The following SPOCK3 variants were observed in gnomAD, a reference collection of about 807,000 sequenced individuals.
The protein encoded by SPOCK3 is SPARC (osteonectin), cwcv and kazal like domains proteoglycan 3, also known as testican-3.
In SPOCK3, 30 loss-of-function variants were observed where a neutral mutation model predicts 56.6. The ratio of observed to expected loss-of-function variants is 0.53; its 90% CI spans 0.40 to 0.72. The LOEUF is 0.72. Among genes scored for constraint, SPOCK3 ranks in the 30% least tolerant of loss-of-function variants. The probability of loss-of-function intolerance (pLI) is 0.00; values close to 1 mark genes in which losing one functional copy is unlikely to be tolerated. For missense variants in SPOCK3, 527 were observed against 530.0 expected, an observed-to-expected ratio of 0.99 and a Z score of 0.06; for synonymous variants, 196 against 183.3, an observed-to-expected ratio of 1.07 and a Z score of -0.56.
intron 8 of SPOCK3, among the ~76,000 whole-genome samples, chr4:166,742,976 T>C (rs1363958302): frequency 1.3e-5 from 2 of 152,266 alleles, no homozygotes; most frequent in Non-Finnish European, 2.9e-5. Context: ...TATAAGAGGA[T>C]GTGCGTACGT....
intron 6 of SPOCK3, among the ~76,000 whole-genome samples, chr4:166,854,422 T>A (rs1207562834): frequency 6.6e-6 from 1 of 152,208 alleles, no homozygotes; most frequent in Non-Finnish European, 1.5e-5. Context: ...TTTGTTCAGC[T>A]TTGTTCACTG....
chr4:166,850,957 G>A (rs1462751302), intron 6 of SPOCK3, among the ~76,000 whole-genome samples: 5 of 152,214 alleles, frequency 3.3e-5, no homozygotes, highest in Non-Finnish European at 7.3e-5. Context: ...GAACTGGGTG[G>A]AGCCCACAAC....
intron 3 of SPOCK3, 45 bp downstream of exon 3, chr4:167,062,447 T>G: frequency 7.1e-7 from 1 of 1,408,486 alleles, no homozygotes; most frequent in Non-Finnish European, 1.0e-6. Context: ...GTACAATGAT[T>G]ATGAACATGT....
chr4:167,182,623 C>G (rs1731582728), intron 2 of SPOCK3, among the ~76,000 whole-genome samples: 1 of 151,812 alleles, frequency 6.6e-6, no homozygotes, highest in African/African-American at 2.4e-5. Context: ...TACTGCAACC[C>G]CTGCCTCCTG....
At chr4:167,216,429 G>A (rs1403820328) in intron 2 of SPOCK3, among the ~76,000 whole-genome samples, 3 of 152,078 alleles carry the variant, frequency 2.0e-5, no homozygotes, top group African/African-American at 7.2e-5. Context: ...GCAGGGAGAA[G>A]CCTGAAAACA....
intron 4 of SPOCK3, among the ~76,000 whole-genome samples, chr4:166,913,683 C>T (rs1476262613): frequency 6.6e-6 from 1 of 152,024 alleles, no homozygotes; most frequent in Non-Finnish European, 1.5e-5. Flanking sequence ...TATCAAGACA[C>T]ATTTTAAGGG....
At chr4:166,770,761 A>T (rs1738828864) in intron 7 of SPOCK3, among the ~76,000 whole-genome samples, 1 of 152,164 alleles carries the variant, frequency 6.6e-6, no homozygotes, top group South Asian at 2.1e-4. Flanking sequence ...ACTCAATGCT[A>T]TGCTGTCTCT....
At chr4:166,981,418 T>C (rs1306556385) in intron 4 of SPOCK3, among the ~76,000 whole-genome samples, 2 of 150,672 alleles carry the variant, frequency 1.3e-5, no homozygotes, top group African/African-American at 4.9e-5. Context: ...TCTCAGAGGG[T>C]AGGCGACCTG....
chr4:166,874,036 A>C (rs1362828371), intron 6 of SPOCK3, among the ~76,000 whole-genome samples: 1 of 152,190 alleles, frequency 6.6e-6, no homozygotes, highest in Non-Finnish European at 1.5e-5. Context: ...CATGTATAGC[A>C]AATGATCTTG....
intron 4 of SPOCK3, among the ~76,000 whole-genome samples, chr4:166,975,768 T>G (rs1458208490): frequency 2.6e-5 from 4 of 152,164 alleles, no homozygotes; most frequent in Non-Finnish European, 5.9e-5. Context: ...CATGTGAAGT[T>G]TGTCTTTCTG....
chr4:166,939,648 C>T (rs1191974704), intron 4 of SPOCK3, among the ~76,000 whole-genome samples: 1 of 152,146 alleles, frequency 6.6e-6, no homozygotes, highest in Non-Finnish European at 1.5e-5. Flanking sequence ...GAGGCTGTAG[C>T]ACATATAATA....
At chr4:167,039,378 A>G (rs1483848074) in intron 3 of SPOCK3, among the ~76,000 whole-genome samples, 1 of 152,216 alleles carries the variant, frequency 6.6e-6, no homozygotes, top group Non-Finnish European at 1.5e-5. Context: ...ACATAACTCC[A>G]TCCACAACAC....
At chr4:167,182,543 GTTCTT>G (rs1436860940) in intron 2 of SPOCK3, among the ~76,000 whole-genome samples, 1 of 151,282 alleles carries the variant, frequency 6.6e-6, no homozygotes, top group Non-Finnish European at 1.5e-5. Flanking sequence ...CAGTTTTCAT[GTTCTT>G]TTTTTTTTTC....
intron 2 of SPOCK3, among the ~76,000 whole-genome samples, chr4:167,088,800 T>C (rs1758442806): frequency 6.6e-6 from 1 of 152,124 alleles, no homozygotes; most frequent in South Asian, 2.1e-4. Flanking sequence ...TAAAACTTTG[T>C]ATACTATAAA....
chr4:166,975,381 C>G (rs773357911), intron 4 of SPOCK3, among the ~76,000 whole-genome samples: 43 of 152,094 alleles, frequency 2.8e-4, no homozygotes, highest in South Asian at 6.2e-4. Flanking sequence ...TTTATGGGTA[C>G]AGAGGTGGCA....
intron 2 of SPOCK3, among the ~76,000 whole-genome samples, chr4:167,209,697 A>G (rs1734678062): frequency 6.6e-6 from 1 of 152,168 alleles, no homozygotes; most frequent in South Asian, 2.1e-4. Flanking sequence ...GTACTGCATT[A>G]CCTGAGAATG....
At chr4:167,108,408 T>TGTAA (rs1457671636) in intron 2 of SPOCK3, among the ~76,000 whole-genome samples, 2 of 151,876 alleles carry the variant, frequency 1.3e-5, no homozygotes, top group Admixed American at 1.3e-4. Flanking sequence ...GCAATCTAAG[T>TGTAA]GTACATCAAC....
intron 7 of SPOCK3, among the ~76,000 whole-genome samples, chr4:166,770,303 T>C (rs979712874): frequency 1.3e-4 from 20 of 152,190 alleles, no homozygotes; most frequent in Non-Finnish European, 2.6e-4. Flanking sequence ...AGACTGGAGC[T>C]GTTCCTATTC....
intron 2 of SPOCK3, among the ~76,000 whole-genome samples, chr4:167,165,158 C>T (rs1765648637): frequency 6.6e-6 from 1 of 152,110 alleles, no homozygotes; most frequent in Non-Finnish European, 1.5e-5. Context: ...TGGGCAAAGA[C>T]TTCATGACTA....
Sources: allele counts gnomAD v4.1 joint callset (sites outside exome capture counted in the v4.1 genomes callset), GRCh38; gene constraint gnomAD v4.1.1; transcripts MANE v1.5; gene names NCBI Gene and HGNC (gene_info 2026-07-23, HGNC 2026-07-21).